The following CLIP1 variants were observed in gnomAD, a reference collection of about 807,000 sequenced individuals.
CLIP1 encodes CAP-Gly domain-containing linker protein 1.
Under a neutral mutation model 161.6 loss-of-function variants are expected in CLIP1, and 66 were observed. The ratio of observed to expected loss-of-function variants is 0.41; its 90% CI spans 0.33 to 0.50. CLIP1 has a LOEUF of 0.50. Among genes scored for constraint, CLIP1 ranks in the 20% least tolerant of loss-of-function variants. The pLI is 0.27. For missense variants in CLIP1, 1,376 were observed against 1,702.0 expected, an observed-to-expected ratio of 0.81 and a Z score of 3.37; for synonymous variants, 598 against 626.2, an observed-to-expected ratio of 0.96 and a Z score of 0.67.
chr12:122,401,945 C>T (rs1249620810), intron 1 of CLIP1, among the ~76,000 whole-genome samples: 2 of 151,180 alleles, frequency 1.3e-5, no homozygotes, highest in African/African-American at 4.9e-5. Flanking sequence ...TGCAGTGAGC[C>T]GAGATTTTGC....
chr12:122,389,973 T>C (rs990805290), intron 1 of CLIP1, among the ~76,000 whole-genome samples: 2 of 148,870 alleles, frequency 1.3e-5, no homozygotes, highest in African/African-American at 2.5e-5. Flanking sequence ...CATTTAAAAG[T>C]GTGTGGCACT....
At chr12:122,327,216 T>C (rs1339036176) in intron 17 of CLIP1, among the ~76,000 whole-genome samples, 1 of 151,972 alleles carries the variant, frequency 6.6e-6, no homozygotes. Flanking sequence ...GAGGCCAAGA[T>C]GGGAGGACTG....
chr12:122,356,622 CTCTCCCTCTCCCTCTCCCCACGG>C lies in CLIP1; in HGVS notation c.1006-1333_1006-1311del, dbSNP rs1302417195. Among the ~76,000 whole-genome samples, 5 of 151,882 alleles carry C rather than the reference CTCTCCCTCTCCCTCTCCCCACGG, an allele frequency of 3.3e-5. No homozygotes were observed. The East Asian group carries it at 7.8e-4, about 24-fold the overall frequency. ...TCCCTCTCCCTCTCTCCCTCTCCCT[CTCTCCCTCTCCCTCTCCCCACGG>C]TCTCCCTCTCCCTCTCTTTCCATGG... On this transcript the variant is annotated intron_variant, in intron 5 of 25. Coordinates refer to ENST00000620786, the MANE Select transcript of CLIP1 (RefSeq NM_001247997.2).
At position 122,377,941 on chromosome 12, in the gene CLIP1, T is replaced by A; in HGVS notation, c.105A>T (p.Lys35Asn). ...TPTAVVAPVEKTISSEKASST... is the reference protein window; with the variant it reads ...TPTAVVAPVENTISSEKASST... ...TTGATGCTTTTTCACTGGATATGGT[T>A]TTTTCTACTGGAGCTACAACTGAAA... The change falls in exon 3 of 26, where the codon AAA (lysine) becomes AAT (asparagine). Residue 35 changes from lysine to asparagine, a missense_variant. Physicochemically the swap from Lys to Asn is moderately conservative, Grantham distance 94. This residue lies in a region of CLIP1 where 66 missense variants were observed against 67.8 expected (regional missense o/e 0.97). Coordinates refer to ENST00000620786, the MANE Select transcript of CLIP1 (RefSeq NM_001247997.2). 1 of 1,608,380 alleles carries A rather than the reference T, an allele frequency of 6.2e-7. No homozygotes were observed. Among genetic ancestry groups the A allele is most frequent in the African/African-American group, 1.3e-5 (1 of 74,582 alleles).
intron 5 of CLIP1, among the ~76,000 whole-genome samples, chr12:122,359,887 G>C (rs188648302): frequency 6.6e-6 from 1 of 152,312 alleles, no homozygotes; most frequent in East Asian, 1.9e-4. Context: ...AGGAAAGTCT[G>C]ATGCCGCCAT....
chr12:122,340,883 A>G lies in CLIP1; in HGVS notation c.2321T>C (p.Leu774Ser). 3.7e-6 allele frequency: 6 copies of G among 1,614,212 alleles called. No homozygotes were observed. The highest frequency in any genetic ancestry group is 1.1e-5 in the South Asian group (1 of 91,080). The change falls in exon 11 of 26, where the codon TTG becomes TCG. Residue 774 changes from leucine (L) to serine (S), a missense_variant. By Grantham distance (145) the Leu-to-Ser change is moderately radical (BLOSUM62 -2). Transcript: ENST00000620786. The stretch of plus-strand genomic sequence containing the variant: ...GGCTTTCCGAAGTGCATCAAGATCC[A>G]AGAGCTTTTCTTCAGTAGCCTTGAG... ...SQLKATEEKL[L>S]DLDALRKASS...
At chr12:122,301,610 G>A (rs1033505013) in intron 20 of CLIP1, among the ~76,000 whole-genome samples, 1 of 152,154 alleles carries the variant, frequency 6.6e-6, no homozygotes, top group Non-Finnish European at 1.5e-5. Context: ...GGAGGCGGAG[G>A]TTGCAGTGAG....
At chr12:122,387,772 A>T (rs952872348) in intron 1 of CLIP1, among the ~76,000 whole-genome samples, 18 of 150,678 alleles carry the variant, frequency 1.2e-4, no homozygotes, top group African/African-American at 4.1e-4. Flanking sequence ...TTTTTTGTAG[A>T]AGTGCGGTCT....
chr12:122,303,917 G>C (rs1031086731), intron 20 of CLIP1, among the ~76,000 whole-genome samples: 1 of 152,124 alleles, frequency 6.6e-6, no homozygotes, highest in African/African-American at 2.4e-5. Flanking sequence ...GGGATCAGAC[G>C]GACAAGAACT....
chr12:122,378,040 C>CAACA, intron 2 of CLIP1, 80 bp from the exon 3 acceptor site: 2 of 1,242,232 alleles, frequency 1.6e-6, no homozygotes, highest in Non-Finnish European at 2.3e-6. Flanking sequence ...TAGAGAAAGC[C>CAACA]AACAGCCCAC....
intron 17 of CLIP1, among the ~76,000 whole-genome samples, chr12:122,327,130 G>A (rs1951738247): frequency 6.6e-6 from 1 of 152,012 alleles, no homozygotes; most frequent in African/African-American, 2.4e-5. Flanking sequence ...GTTGAACTTC[G>A]TGAAGTTACC....
intron 1 of CLIP1, among the ~76,000 whole-genome samples, chr12:122,414,732 G>A (rs563494461): frequency 1.3e-5 from 2 of 152,154 alleles, no homozygotes; most frequent in Admixed American, 1.3e-4. Context: ...CCAAAGTGCT[G>A]GGATTTACAG....
Position 122,340,848 on chromosome 12 carries a change from C to G in CLIP1, c.2356G>C (p.Gly786Arg), listed in dbSNP as rs1302104575. 6 of 1,614,088 alleles carry G rather than the reference C, an allele frequency of 3.7e-6. No homozygotes were observed. The highest frequency in any genetic ancestry group is 5.1e-6 in the Non-Finnish European group (6 of 1,179,982). Residue 786 changes from glycine (G) to arginine (R), a missense_variant, in exon 11 of 26, where the codon GGT becomes CGT. Physicochemically the swap from Gly to Arg is moderately radical, Grantham distance 125. Around this residue, in one of 6 missense-constraint regions of CLIP1, gnomAD observed 948 missense variants for 1,134.8 expected, o/e 0.84. Coordinates refer to ENST00000620786, the MANE Select transcript of CLIP1 (RefSeq NM_001247997.2). ...CTAAGTTTCTTCATTTCCGATTTACCTTCGGAACTGGCTTTCCGAAGTGCA... is the reference window on the plus strand; with the variant it reads ...CTAAGTTTCTTCATTTCCGATTTACGTTCGGAACTGGCTTTCCGAAGTGCA... The part of the protein sequence containing the change: ...LDALRKASSE[G>R]KSEMKKLRQQ...
At chr12:122,318,659 A>G (rs1951360634) in intron 18 of CLIP1, among the ~76,000 whole-genome samples, 1 of 152,198 alleles carries the variant, frequency 6.6e-6, no homozygotes, top group South Asian at 2.1e-4. Context: ...CAGCTTTCCA[A>G]ATGAAGAAAG....
intron 3 of CLIP1, among the ~76,000 whole-genome samples, chr12:122,376,645 T>C (rs1447491756): frequency 2.0e-5 from 3 of 151,128 alleles, no homozygotes; most frequent in Non-Finnish European, 4.4e-5. Flanking sequence ...TTTTTTTGTA[T>C]TTTTTTAGTA....
intron 19 of CLIP1, among the ~76,000 whole-genome samples, chr12:122,312,248 A>G (rs1158124400): frequency 6.6e-6 from 1 of 152,244 alleles, no homozygotes; most frequent in Non-Finnish European, 1.5e-5. Flanking sequence ...AGTAAAGACA[A>G]AAATTAGATT....
intron 1 of CLIP1, among the ~76,000 whole-genome samples, chr12:122,421,795 C>CA (rs1374768432): frequency 6.6e-6 from 1 of 152,188 alleles, no homozygotes; most frequent in Non-Finnish European, 1.5e-5. Context: ...CAGGACCTTC[C>CA]AATTCGGGCA....
intron 15 of CLIP1, 109 bp from the exon 16 acceptor site, chr12:122,328,535 GTAAT>G (rs1352548075): frequency 1.6e-6 from 1 of 642,542 alleles, no homozygotes. Context: ...AAAGTTATGT[GTAAT>G]TAATAACATC....
chr12:122,338,785 T>C (rs1952357616), intron 11 of CLIP1, among the ~76,000 whole-genome samples: 1 of 152,094 alleles, frequency 6.6e-6, no homozygotes, highest in Non-Finnish European at 1.5e-5. Context: ...TTTCATGAAA[T>C]CTTGATGTTA....
Sources: allele counts gnomAD v4.1 joint callset (sites outside exome capture counted in the v4.1 genomes callset), GRCh38; gene constraint gnomAD v4.1.1; regional missense constraint gnomAD v4.1.1; transcripts MANE v1.5; gene names NCBI Gene and HGNC (gene_info 2026-07-23, HGNC 2026-07-21).